IL1RAPL2: variants seen among roughly 807,000 people sequenced by gnomAD.
IL1RAPL2 encodes the protein interleukin 1 receptor accessory protein like 2.
A neutral mutation model predicts 44.1 loss-of-function variants in IL1RAPL2; 3 were observed. The observed-to-expected ratio is 0.07, with a 90% CI of 0.03 to 0.18. The LOEUF is 0.18. Among genes scored for constraint, IL1RAPL2 ranks in the 10% least tolerant of loss-of-function variants. The pLI is 1.00. For missense variants in IL1RAPL2, 391 were observed against 496.4 expected, an observed-to-expected ratio of 0.79 and a Z score of 2.02; for synonymous variants, 181 against 178.8, an observed-to-expected ratio of 1.01 and a Z score of -0.10.
intron 2 of IL1RAPL2, among the ~76,000 whole-genome samples, chrX:104,932,886 C>T (rs1248836254): frequency 8.9e-6 from 1 of 112,087 alleles, no homozygotes; most frequent in Non-Finnish European, 1.9e-5. Context: ...AATATTCTTC[C>T]ATTGGCACAG....
intron 6 of IL1RAPL2, among the ~76,000 whole-genome samples, chrX:105,646,041 C>A (rs1324605425): frequency 9.0e-6 from 1 of 111,550 alleles, no homozygotes; most frequent in African/African-American, 3.3e-5. Flanking sequence ...GACCTGATCC[C>A]ATACTCGGTA....
intron 6 of IL1RAPL2, among the ~76,000 whole-genome samples, chrX:105,625,642 G>A (rs1038005248): frequency 9.0e-6 from 1 of 111,176 alleles, no homozygotes; most frequent in Non-Finnish European, 1.9e-5. Flanking sequence ...CTGTGCTAGG[G>A]CTTGTGAGGG....
At chrX:104,723,767 C>T (rs893055114) in intron 2 of IL1RAPL2, among the ~76,000 whole-genome samples, 1 of 110,718 alleles carries the variant, frequency 9.0e-6, no homozygotes, top group Non-Finnish European at 1.9e-5. Context: ...TTCTATGATC[C>T]CCAAACTTAG....
chrX:105,457,792 A>G (rs992036123), intron 5 of IL1RAPL2, among the ~76,000 whole-genome samples: 2 of 110,138 alleles, frequency 1.8e-5, no homozygotes, highest in Non-Finnish European at 3.8e-5. Flanking sequence ...TGGTGCAGAA[A>G]TATCTCCTTG....
chrX:105,191,363 C>T (rs1204779410), intron 2 of IL1RAPL2, among the ~76,000 whole-genome samples: 1 of 111,849 alleles, frequency 8.9e-6, no homozygotes. Context: ...TACAGGCATG[C>T]GCCAACATGC....
chrX:104,863,020 A>C (rs1189654444), intron 2 of IL1RAPL2, among the ~76,000 whole-genome samples: 2 of 111,818 alleles, frequency 1.8e-5, no homozygotes, highest in East Asian at 5.6e-4. Context: ...TTCTCTGCCT[A>C]AGTTCTAAAC....
chrX:104,635,584 T>C (rs1046555505), intron 1 of IL1RAPL2, among the ~76,000 whole-genome samples: 5 of 112,012 alleles, frequency 4.5e-5, no homozygotes, highest in Non-Finnish European at 7.5e-5. Context: ...TCACTTCATT[T>C]CATTCATTTG....
intron 5 of IL1RAPL2, among the ~76,000 whole-genome samples, chrX:105,379,664 T>TTGTACA (rs1158547521): frequency 8.9e-6 from 1 of 111,750 alleles, no homozygotes; most frequent in African/African-American, 3.2e-5. Context: ...TGGTAGAACC[T>TTGTACA]TGTACAGTCA....
intron 2 of IL1RAPL2, among the ~76,000 whole-genome samples, chrX:105,006,068 G>GT (rs1010750155): frequency 2.7e-5 from 3 of 110,652 alleles, no homozygotes; most frequent in African/African-American, 6.5e-5. Context: ...TTTTTGCTGT[G>GT]TTTTTTCTCT....
At chrX:105,473,637 T>C (rs1405375639) in intron 5 of IL1RAPL2, among the ~76,000 whole-genome samples, 1 of 112,175 alleles carries the variant, frequency 8.9e-6, no homozygotes, top group South Asian at 3.7e-4. Context: ...CCTTATTCTT[T>C]TGTATTGCAA....
At chrX:105,144,618 A>G (rs151147318) in intron 2 of IL1RAPL2, among the ~76,000 whole-genome samples, 26 of 111,233 alleles carry the variant, frequency 2.3e-4, no homozygotes, top group African/African-American at 8.2e-4. Context: ...AATTGTTTCT[A>G]CTTTTCCCAT....
At chrX:105,143,999 CAA>C (rs1301237210) in intron 2 of IL1RAPL2, among the ~76,000 whole-genome samples, 2 of 106,450 alleles carry the variant, frequency 1.9e-5, no homozygotes, top group African/African-American at 3.5e-5. Context: ...TAAAACAAAA[CAA>C]AACAATAAAC....
At chrX:105,213,494 A>G (rs1603011656) in intron 3 of IL1RAPL2, among the ~76,000 whole-genome samples, 2 of 110,857 alleles carry the variant, frequency 1.8e-5, no homozygotes, top group East Asian at 5.8e-4. Context: ...GACCAAACCT[A>G]TGATTGATTG....
chrX:105,033,843 C>T (rs1377957856), intron 2 of IL1RAPL2, among the ~76,000 whole-genome samples: 1 of 112,029 alleles, frequency 8.9e-6, no homozygotes, highest in African/African-American at 3.2e-5. Flanking sequence ...CCATTCTCCC[C>T]ATCACTTTCA....
At position 105,417,176 on chromosome X, in the gene IL1RAPL2, A is replaced by G. The variant is rs183521010; in HGVS notation, c.698-67137A>G. Among the ~76,000 whole-genome samples, 34 of 112,695 alleles carry G rather than the reference A, an allele frequency of 3.0e-4. 2 individuals carry two copies. The highest frequency in any genetic ancestry group is 7.3e-4 in the South Asian group (2 of 2,742). ...CCAAACAGGAAATTAGATTTGTATAAGATTTATATGAAGTAGGCCGGGCGC... is the reference window on the plus strand; with the variant it reads ...CCAAACAGGAAATTAGATTTGTATAGGATTTATATGAAGTAGGCCGGGCGC... On this transcript the variant is annotated intron_variant, in intron 5 of 10. Transcript: ENST00000372582.
chrX:105,125,816 G>A (rs762165186), intron 2 of IL1RAPL2, among the ~76,000 whole-genome samples: 2 of 110,334 alleles, frequency 1.8e-5, no homozygotes, highest in Admixed American at 9.7e-5. Context: ...TATGGAAATC[G>A]AGTAGAGTGG....
At chrX:105,352,506 A>G (rs1316052370) in intron 5 of IL1RAPL2, among the ~76,000 whole-genome samples, 4 of 111,304 alleles carry the variant, frequency 3.6e-5, no homozygotes, top group Non-Finnish European at 5.7e-5. Context: ...GAATCACCAC[A>G]CTGACTTCCA....
At chrX:105,515,447 G>T (rs994021065) in intron 6 of IL1RAPL2, among the ~76,000 whole-genome samples, 2 of 111,437 alleles carry the variant, frequency 1.8e-5, no homozygotes, top group Non-Finnish European at 1.9e-5. Context: ...TCACCATTGA[G>T]GAGGAGGATC....
intron 2 of IL1RAPL2, among the ~76,000 whole-genome samples, chrX:104,782,893 T>G (rs1053585704): frequency 1.8e-5 from 2 of 111,855 alleles, no homozygotes; most frequent in African/African-American, 6.5e-5. Context: ...CATAGTGGTG[T>G]TAGAGTCTGT....
Sources: allele counts gnomAD v4.1 joint callset (sites outside exome capture counted in the v4.1 genomes callset), GRCh38; gene constraint gnomAD v4.1.1; transcripts MANE v1.5; gene names NCBI Gene and HGNC (gene_info 2026-07-23, HGNC 2026-07-21).